ZBTB7C: variants seen among roughly 807,000 people sequenced by gnomAD.
ZBTB7C encodes zinc finger and BTB domain-containing protein 7C.
Under a neutral mutation model 25.7 loss-of-function variants are expected in ZBTB7C, and 8 were observed. The observed-to-expected ratio is 0.31, with a 90% CI of 0.18 to 0.56. ZBTB7C has a LOEUF of 0.56. ZBTB7C is among the 20% of genes least tolerant of loss of function. The pLI, the probability that ZBTB7C is intolerant of heterozygous loss-of-function variation, is 0.91. For missense variants in ZBTB7C, 824 were observed against 855.2 expected, an observed-to-expected ratio of 0.96 and a Z score of 0.46; for synonymous variants, 394 against 369.0, an observed-to-expected ratio of 1.07 and a Z score of -0.78.
At chr18:48,308,801 G>A (rs1183998440) in intron 2 of ZBTB7C, among the ~76,000 whole-genome samples, 2 of 152,180 alleles carry the variant, frequency 1.3e-5, no homozygotes, top group Non-Finnish European at 1.5e-5. Context: ...CTGGGAACTT[G>A]ATGGGGTACA....
chr18:48,349,804 T>A (rs914455084), intron 1 of ZBTB7C, among the ~76,000 whole-genome samples: 6 of 152,258 alleles, frequency 3.9e-5, no homozygotes, highest in African/African-American at 1.4e-4. Flanking sequence ...TACACAGTAC[T>A]GGCATCCTGG....
intron 2 of ZBTB7C, among the ~76,000 whole-genome samples, chr18:48,210,318 T>C (rs1224284972): frequency 6.6e-6 from 1 of 152,176 alleles, no homozygotes; most frequent in East Asian, 1.9e-4. Flanking sequence ...CACTCCTAAA[T>C]ATATACCCCA....
At chr18:48,190,467 A>C (rs1200044289) in intron 2 of ZBTB7C, among the ~76,000 whole-genome samples, 1 of 152,208 alleles carries the variant, frequency 6.6e-6, no homozygotes, top group Non-Finnish European at 1.5e-5. Context: ...TGACGGAGGC[A>C]CAGAGGAGCT....
At chr18:48,214,064 G>A (rs2042766245) in intron 2 of ZBTB7C, among the ~76,000 whole-genome samples, 3 of 152,218 alleles carry the variant, frequency 2.0e-5, no homozygotes, top group Admixed American at 6.5e-5. Context: ...TTGGTGCCAC[G>A]ACACAGGGTA....
At chr18:48,410,154 A>C (rs2048367145), upstream of ZBTB7C, among the ~76,000 whole-genome samples, 3 of 152,204 alleles carry the variant, frequency 2.0e-5, no homozygotes, top group Admixed American at 2.0e-4. Flanking sequence ...CGAGAAGTTA[A>C]GTTTCCCAAA....
At chr18:48,318,646 C>T (rs2046011305) in intron 2 of ZBTB7C, among the ~76,000 whole-genome samples, 1 of 152,234 alleles carries the variant, frequency 6.6e-6, no homozygotes, top group African/African-American at 2.4e-5. Flanking sequence ...GAACTTGGCC[C>T]TGCTGCATAC....
intron 1 of ZBTB7C, among the ~76,000 whole-genome samples, chr18:48,346,849 A>C (rs978863033): frequency 6.8e-6 from 1 of 148,016 alleles, no homozygotes; most frequent in African/African-American, 2.5e-5. Flanking sequence ...CACTGGTGGG[A>C]TCTTGGGTCA....
intron 2 of ZBTB7C, among the ~76,000 whole-genome samples, chr18:48,230,860 G>T (rs554480314): frequency 2.0e-5 from 3 of 152,162 alleles, no homozygotes; most frequent in Non-Finnish European, 4.4e-5. Flanking sequence ...GCCTGCTCCC[G>T]CTGCCTGGCC....
intron 2 of ZBTB7C, among the ~76,000 whole-genome samples, chr18:48,271,618 C>T (rs1016234857): frequency 6.7e-6 from 1 of 148,920 alleles, no homozygotes; most frequent in Admixed American, 6.7e-5. Context: ...ATATTTGATA[C>T]AATTTATCAA....
intron 3 of ZBTB7C, among the ~76,000 whole-genome samples, chr18:48,114,557 C>T (rs959356262): frequency 1.3e-5 from 2 of 151,894 alleles, no homozygotes; most frequent in Admixed American, 6.6e-5. Context: ...GCCAAGATAG[C>T]ATCACTGCAC....
chr18:48,277,513 A>G (rs1019168344), intron 2 of ZBTB7C, among the ~76,000 whole-genome samples: 1 of 152,238 alleles, frequency 6.6e-6, no homozygotes, highest in African/African-American at 2.4e-5. Context: ...TGCAAAATAA[A>G]TAGCTATTTC....
intron 3 of ZBTB7C, among the ~76,000 whole-genome samples, chr18:48,085,722 G>A (rs1203190274): frequency 6.6e-6 from 1 of 152,238 alleles, no homozygotes; most frequent in Non-Finnish European, 1.5e-5. Context: ...GGGGAAAACT[G>A]AGTGTTGGTC....
intron 3 of ZBTB7C, among the ~76,000 whole-genome samples, chr18:48,093,089 T>C (rs999427557): frequency 5.3e-5 from 8 of 152,190 alleles, no homozygotes; most frequent in Non-Finnish European, 8.8e-5. Flanking sequence ...AACTCACGAT[T>C]AACAACAGAA....
At chr18:48,299,082 G>A (rs1310521415) in intron 2 of ZBTB7C, among the ~76,000 whole-genome samples, 1 of 152,148 alleles carries the variant, frequency 6.6e-6, no homozygotes, top group Admixed American at 6.5e-5. Flanking sequence ...CTGATGGGGT[G>A]GAAGCTAGGG....
intron 1 of ZBTB7C, among the ~76,000 whole-genome samples, chr18:48,395,956 G>A (rs576180370): frequency 5.9e-5 from 9 of 152,212 alleles, no homozygotes; most frequent in Non-Finnish European, 1.3e-4. Flanking sequence ...TGACTCTCAG[G>A]GAGGTGGTGG....
intron 2 of ZBTB7C, among the ~76,000 whole-genome samples, chr18:48,318,679 G>A (rs139653769): frequency 3.5e-4 from 54 of 152,324 alleles, no homozygotes; most frequent in East Asian, 2.9e-3. Context: ...AGGGGCGATT[G>A]TTCTCAACAG....
intron 3 of ZBTB7C, among the ~76,000 whole-genome samples, chr18:48,043,658 A>AT (rs2036351163): frequency 6.6e-6 from 1 of 152,206 alleles, no homozygotes; most frequent in Admixed American, 6.5e-5. Context: ...AATGTTCTGC[A>AT]TATTGATTAT....
intron 2 of ZBTB7C, among the ~76,000 whole-genome samples, chr18:48,261,577 G>C (rs1002946540): frequency 5.3e-5 from 8 of 152,146 alleles, no homozygotes; most frequent in Non-Finnish European, 1.2e-4. Context: ...TCATCTGAAG[G>C]ATACCCCTGA....
chr18:48,411,548 T>A (rs543734100), upstream of ZBTB7C, among the ~76,000 whole-genome samples: 1 of 152,376 alleles, frequency 6.6e-6, no homozygotes, highest in African/African-American at 2.4e-5. Context: ...CCAGCTGATA[T>A]GGCCCCGCTT....
Sources: gnomAD v4.1 joint callset for allele counts (sites outside exome capture counted in the v4.1 genomes callset) on GRCh38, gnomAD v4.1.1 for gene constraint, MANE v1.5 for transcripts, NCBI Gene and HGNC (gene_info 2026-07-23, HGNC 2026-07-21) for gene names.